Variants in SLCO6A1 observed in about 807,000 individuals in gnomAD.
The protein encoded by SLCO6A1 is cancer/testis antigen 48.
A neutral mutation model predicts 72.7 loss-of-function variants in SLCO6A1; 65 were observed. The ratio of observed to expected loss-of-function variants is 0.89; its 90% CI spans 0.73 to 1.10. The LOEUF (loss-of-function observed/expected upper bound fraction) is 1.10, where lower values mean the gene tolerates loss of function less well. SLCO6A1 is among the 50% of genes least tolerant of loss of function. The pLI, the probability that SLCO6A1 is intolerant of heterozygous loss-of-function variation, is 0.00. For missense variants in SLCO6A1, 874 were observed against 872.6 expected (o/e 1.00, Z -0.02); for synonymous variants, 314 against 298.2 (o/e 1.05, Z -0.55).
chr5:102,475,726 T>A lies in SLCO6A1; in HGVS notation c.870A>T (p.Lys290Asn). 1 of 1,605,748 alleles carries A rather than the reference T, an allele frequency of 6.2e-7. No individual in the cohort carries two copies. The highest frequency in any genetic ancestry group is 1.1e-5 in the South Asian group (1 of 89,420). Residue 290 changes from lysine (K) to asparagine (N), a missense_variant, in exon 4 of 14, where the codon AAA becomes AAT. Transcript: ENST00000506729. ...LGYVLGAPLV[K>N]VPENTTSATN... ...TTGCAGAAGTAGTATTCTCAGGGAC[T>A]TTAACTAGTGGTGCTCCTAGCACAT...
At chr5:102,486,761 C>A (rs1338386491) in intron 1 of SLCO6A1, among the ~76,000 whole-genome samples, 1 of 152,076 alleles carries the variant, frequency 6.6e-6, no homozygotes, top group Non-Finnish European at 1.5e-5. Flanking sequence ...ACCATAAGTA[C>A]ATTGTCTTTA....
chr5:102,479,498 C>A (rs1179828400), intron 2 of SLCO6A1, among the ~76,000 whole-genome samples: 1 of 152,024 alleles, frequency 6.6e-6, no homozygotes. Flanking sequence ...ACATTCTAAC[C>A]ACCCCTATCT....
chr5:102,471,624 C>G (rs1751613751), intron 4 of SLCO6A1, among the ~76,000 whole-genome samples: 1 of 152,064 alleles, frequency 6.6e-6, no homozygotes, highest in African/African-American at 2.4e-5. Context: ...CAATCCACAA[C>G]CTGTGATAAT....
chr5:102,495,674 A>G (rs943951327), intron 1 of SLCO6A1, among the ~76,000 whole-genome samples: 5 of 152,188 alleles, frequency 3.3e-5, no homozygotes, highest in Non-Finnish European at 7.4e-5. Flanking sequence ...ATGTCTGTAC[A>G]TATTTACTAA....
intron 7 of SLCO6A1, among the ~76,000 whole-genome samples, chr5:102,423,988 T>G (rs1304204095): frequency 6.6e-6 from 1 of 152,198 alleles, no homozygotes; most frequent in Non-Finnish European, 1.5e-5. Flanking sequence ...ACTGCATAAC[T>G]ACATTGAAAC....
At chr5:102,382,180 A>C (rs1580038) in intron 12 of SLCO6A1, among the ~76,000 whole-genome samples, 1 of 151,540 alleles carries the variant, frequency 6.6e-6, no homozygotes, top group African/African-American at 2.4e-5. Flanking sequence ...TTTTGTATAT[A>C]GCATGAGTTC....
At chr5:102,492,953 T>G (rs1000922476) in intron 1 of SLCO6A1, among the ~76,000 whole-genome samples, 1 of 152,092 alleles carries the variant, frequency 6.6e-6, no homozygotes, top group Non-Finnish European at 1.5e-5. Flanking sequence ...AGACTCCACC[T>G]CTAGGGGCAG....
chr5:102,374,546 T>C (rs1003733874), intron 12 of SLCO6A1, among the ~76,000 whole-genome samples: 1 of 152,126 alleles, frequency 6.6e-6, no homozygotes, highest in African/African-American at 2.4e-5. Flanking sequence ...CGCCTTGGCC[T>C]CTCTAAGTGT....
At chr5:102,495,845 G>T (rs1393212026) in intron 1 of SLCO6A1, among the ~76,000 whole-genome samples, 1 of 152,132 alleles carries the variant, frequency 6.6e-6, no homozygotes, top group Non-Finnish European at 1.5e-5. Flanking sequence ...GACCCAGATT[G>T]AAGCTCATCC....
At chr5:102,489,271 C>A (rs1752570745) in intron 1 of SLCO6A1, among the ~76,000 whole-genome samples, 2 of 152,314 alleles carry the variant, frequency 1.3e-5, no homozygotes, top group East Asian at 3.9e-4. Flanking sequence ...TCCTCTCCTT[C>A]TCTTCAAACT....
intron 12 of SLCO6A1, among the ~76,000 whole-genome samples, chr5:102,385,826 C>CTTTTTTTTTTTTTTTTTTTTTTTTTT (rs57983218): frequency 1.6e-5 from 2 of 121,216 alleles, no homozygotes; most frequent in Non-Finnish European, 3.4e-5. Context: ...CCTGTTTTTC[C>CTTTTTTTTTTTTTTTTTTTTTTTTTT]TTTTTTTTTT....
chr5:102,483,485 G>A (rs183772721), intron 1 of SLCO6A1, among the ~76,000 whole-genome samples: 1 of 152,326 alleles, frequency 6.6e-6, no homozygotes, highest in Non-Finnish European at 1.5e-5. Flanking sequence ...TTTTGGAAGA[G>A]AGAGTGTTCC....
chr5:102,485,527 G>A (rs1443933530), intron 1 of SLCO6A1, among the ~76,000 whole-genome samples: 2 of 152,132 alleles, frequency 1.3e-5, no homozygotes, highest in African/African-American at 4.8e-5. Context: ...TAGTCACAGA[G>A]GTTTTGCATG....
At chr5:102,378,744 A>G in intron 12 of SLCO6A1, among the ~76,000 whole-genome samples, 1 of 152,014 alleles carries the variant, frequency 6.6e-6, no homozygotes, top group Admixed American at 6.6e-5. Context: ...TGAATTTACC[A>G]CAATATATTA....
At chr5:102,429,756 C>T (rs1218957764) in intron 7 of SLCO6A1, among the ~76,000 whole-genome samples, 1 of 151,266 alleles carries the variant, frequency 6.6e-6, no homozygotes, top group Non-Finnish European at 1.5e-5. Flanking sequence ...CAGCTTTGTT[C>T]TTTTTGCTTA....
chr5:102,459,108 C>T (rs1054023290), intron 5 of SLCO6A1, among the ~76,000 whole-genome samples: 1 of 152,080 alleles, frequency 6.6e-6, no homozygotes. Flanking sequence ...AAAATATGCA[C>T]TAATTCTAAT....
Position 102,396,603 on chromosome 5 carries a change from C to T in SLCO6A1, c.1814+2952G>A, listed in dbSNP as rs943068093. ...GGCTTTCCTATTCAATAACACAAGACACATCTTTGCTCTTTGTTCAAGTCA... is the reference window on the plus strand; with the variant it reads ...GGCTTTCCTATTCAATAACACAAGATACATCTTTGCTCTTTGTTCAAGTCA... On this transcript the variant is annotated intron_variant, in intron 10 of 13. Transcript: ENST00000506729. Among the ~76,000 whole-genome samples, 3 of 152,172 alleles carry T rather than the reference C, an allele frequency of 2.0e-5. No individual in the cohort carries two copies. The South Asian group carries it at 6.2e-4, about 32-fold the overall frequency.
chr5:102,471,179 T>A (rs1377579030), intron 4 of SLCO6A1, among the ~76,000 whole-genome samples: 1 of 152,052 alleles, frequency 6.6e-6, no homozygotes, highest in African/African-American at 2.4e-5. Flanking sequence ...GGTCATACTG[T>A]TCGACTGACT....
intron 1 of SLCO6A1, among the ~76,000 whole-genome samples, chr5:102,496,711 C>T (rs1216414974): frequency 1.3e-5 from 2 of 152,160 alleles, no homozygotes; most frequent in Non-Finnish European, 2.9e-5. Flanking sequence ...GCATCGAATA[C>T]ATATTTACTG....
Sources: gnomAD v4.1 joint callset for allele counts (sites outside exome capture counted in the v4.1 genomes callset) on GRCh38, gnomAD v4.1.1 for gene constraint, MANE v1.5 for transcripts, NCBI Gene and HGNC (gene_info 2026-07-23, HGNC 2026-07-21) for gene names.